P4HA2: variants seen among roughly 807,000 people sequenced by gnomAD.
The protein encoded by P4HA2 is prolyl 4-hydroxylase subunit alpha 2.
A neutral mutation model predicts 76.9 loss-of-function variants in P4HA2; 46 were observed. That is an observed-to-expected ratio of 0.60 (90% CI 0.47 to 0.76). P4HA2 has a LOEUF of 0.76. P4HA2 is among the 30% of genes least tolerant of loss of function. P4HA2 has a pLI of 0.00. For missense variants in P4HA2, 583 were observed against 669.4 expected, an observed-to-expected ratio of 0.87 and a Z score of 1.42; for synonymous variants, 243 against 254.0, an observed-to-expected ratio of 0.96 and a Z score of 0.41.
At position 132,198,394 on chromosome 5, in the gene P4HA2, C is replaced by A. The variant is rs771727821; in HGVS notation, c.1306-14G>T. Reference sequence around the variant, plus strand: ...GTCAAAAGGTCGCTGCAACAGACAACAACTTTCACCCAAGTTTACAACAGG... The same window carrying A: ...GTCAAAAGGTCGCTGCAACAGACAAAAACTTTCACCCAAGTTTACAACAGG... On this transcript the variant is annotated splice_polypyrimidine_tract_variant and intron_variant, in intron 11 of 14. Coordinates refer to ENST00000360568, the MANE Select transcript of P4HA2 (RefSeq NM_001017974.2). The A allele has an allele frequency of 6.2e-7, 1 of 1,612,234 alleles. No homozygotes were observed. The highest frequency in any genetic ancestry group is 8.5e-7 in the Non-Finnish European group (1 of 1,179,650).
Position 132,194,928 on chromosome 5 carries a change from C to A in P4HA2, c.1529G>T (p.Trp510Leu), listed in dbSNP as rs1307010591. Residue 510 changes from tryptophan to leucine, a missense_variant and splice_region_variant, in exon 14 of 15, where the codon TGG (tryptophan) becomes TTG (leucine). Coordinates refer to ENST00000360568, the MANE Select transcript of P4HA2 (RefSeq NM_001017974.2). Reference sequence around the variant, plus strand: ...ACACTACCCCTTAAGACACTCACCCCACTTGCAGCCCACAAGCACAGGGCA... The same window carrying A: ...ACACTACCCCTTAAGACACTCACCCAACTTGCAGCCCACAAGCACAGGGCA... ...AACPVLVGCK[W>L]VSNKWFHERG... 1 of 1,606,788 alleles carries A rather than the reference C, an allele frequency of 6.2e-7. No individual in the cohort carries two copies. The highest frequency in any genetic ancestry group is 1.7e-5 in the Admixed American group (1 of 60,010).
intron 1 of P4HA2, among the ~76,000 whole-genome samples, chr5:132,224,184 C>G (rs541342501): frequency 6.6e-6 from 1 of 152,360 alleles, no homozygotes; most frequent in East Asian, 1.9e-4. Flanking sequence ...CAGGGCAAGG[C>G]AGTACAGTCA....
chr5:132,212,246 T>G (rs1753187030), intron 5 of P4HA2, among the ~76,000 whole-genome samples: 1 of 152,092 alleles, frequency 6.6e-6, no homozygotes, highest in Non-Finnish European at 1.5e-5. Flanking sequence ...GGGTTTAGCT[T>G]TGGAAATTAA....
At chr5:132,198,268 C>G in intron 12 of P4HA2, 53 bp downstream of exon 12, 1 of 1,614,234 alleles carries the variant, frequency 6.2e-7, no homozygotes, top group Non-Finnish European at 8.5e-7. Flanking sequence ...TCTCGCTCAT[C>G]ATTCTACAAA....
intron 10 of P4HA2, chr5:132,200,746 T>C (rs1751379616): frequency 6.6e-6 from 1 of 152,190 alleles, no homozygotes; most frequent in Non-Finnish European, 1.5e-5. Context: ...GAAAATTCAA[T>C]TAGTGCTTGT....
chr5:132,224,037 C>T (rs1755009572), intron 1 of P4HA2, among the ~76,000 whole-genome samples: 1 of 152,232 alleles, frequency 6.6e-6, no homozygotes, highest in African/African-American at 2.4e-5. Flanking sequence ...AGGTCCATGA[C>T]ACGCCTGGCT....
chr5:132,197,608 C>CAAAAAAAAAAAAAAA (rs555319735), intron 12 of P4HA2, among the ~76,000 whole-genome samples: 1 of 55,192 alleles, frequency 1.8e-5, no homozygotes, highest in Non-Finnish European at 3.6e-5. Context: ...ACTCCATCTC[C>CAAAAAAAAAAAAAAA]AAAAAAAAAA....
At chr5:132,194,854 C>G in intron 14 of P4HA2, 72 bp downstream of exon 14, 1 of 1,062,026 alleles carries the variant, frequency 9.4e-7, no homozygotes, top group Non-Finnish European at 1.5e-6. Context: ...CCTCCCAGCT[C>G]AGAATCTAAG....
intron 1 of P4HA2, among the ~76,000 whole-genome samples, chr5:132,219,674 T>TA (rs1399831451): frequency 2.0e-5 from 3 of 152,138 alleles, no homozygotes; most frequent in African/African-American, 7.2e-5. Context: ...GGAAATTCAC[T>TA]AAGACAAAGC....
rs200714254 is a variant in P4HA2 at position 132,217,187 on chromosome 5, C to G, written c.331+10G>C. On this transcript the variant is annotated intron_variant, in intron 4 of 14. Transcript: ENST00000360568. The stretch of plus-strand genomic sequence containing the variant: ...TGGGCTCACTCAAGCACCTGCTCAC[C>G]GTCCCTCACCTGCAGCTGAGTCCTG... 269 of 1,612,870 alleles carry G rather than the reference C, an allele frequency of 1.7e-4. 2 individuals carry two copies. The South Asian group carries it at 2.9e-3, about 17-fold the overall frequency.
chr5:132,195,550 A>G (rs1379704785), intron 12 of P4HA2, 70 bp from the exon 13 acceptor site: 23 of 1,149,458 alleles, frequency 2.0e-5, no homozygotes, highest in Non-Finnish European at 2.8e-5. Context: ...CACAAAGGAC[A>G]TGACAAGGTA....
At position 132,209,160 on chromosome 5, in the gene P4HA2, C is replaced by T. The variant is rs779478817; in HGVS notation, c.881G>A (p.Cys294Tyr). The change falls in exon 7 of 15, where the codon TGT becomes TAT. Residue 294 changes from cysteine to tyrosine, a missense_variant. Physicochemically the swap from Cys to Tyr is radical, Grantham distance 194. Transcript: ENST00000360568. ...CACCAGTTTGACACCCTCCCCACGA[C>T]AGAGGCTCTCGTAAACATCCCTCTC... The part of the protein sequence containing the change: ...LPERDVYESL[C>Y]RGEGVKLTPR... The T allele has an allele frequency of 6.2e-7, 1 of 1,613,682 alleles. No individual in the cohort carries two copies. The highest frequency in any genetic ancestry group is 1.1e-5 in the South Asian group (1 of 91,016).
chr5:132,216,415 A>C (rs1245484256), intron 4 of P4HA2, among the ~76,000 whole-genome samples: 1 of 152,226 alleles, frequency 6.6e-6, no homozygotes, highest in African/African-American at 2.4e-5. Flanking sequence ...TACACCAAGA[A>C]ATATGTAAAA....
In P4HA2 at chr5:132,192,753, C is replaced by T; in HGVS notation, c.*257G>A. ...CTAAAACACCTGAGGTACAAAGGCA[C>T]CTTGCTAGGCGCTAGACAGCTAACT... On this transcript the variant is annotated 3_prime_UTR_variant, in exon 15 of 15. Coordinates refer to ENST00000360568, the MANE Select transcript of P4HA2 (RefSeq NM_001017974.2). 7 of 422,194 alleles carry T rather than the reference C, an allele frequency of 1.7e-5. No individual in the cohort carries two copies. Among genetic ancestry groups the T allele is most frequent in the Non-Finnish European group, 4.2e-6 (1 of 236,100 alleles). 26.2% of individuals were successfully genotyped at this position (422,194 alleles called of 1,614,324 possible).
chr5:132,216,777 A>G (rs1196017900), intron 4 of P4HA2, among the ~76,000 whole-genome samples: 1 of 152,184 alleles, frequency 6.6e-6, no homozygotes, highest in Non-Finnish European at 1.5e-5. Flanking sequence ...GTATGTATGT[A>G]TAGTTCCATT....
chr5:132,220,378 T>C lies in P4HA2; in HGVS notation c.-18-1734A>G, dbSNP rs145681509. ...ATGTAGGGAGGGGACAGTGAAAACA[T>C]AGAGCTGGGAGGATGTATCTGTGAT... On this transcript the variant is annotated intron_variant, in intron 1 of 14. Coordinates refer to ENST00000360568, the MANE Select transcript of P4HA2 (RefSeq NM_001017974.2). Among the ~76,000 whole-genome samples, 311 of 152,266 alleles carry C rather than the reference T, an allele frequency of 2.0e-3. 3 individuals carry two copies. The highest frequency in any genetic ancestry group is 7.1e-3 in the African/African-American group (294 of 41,548).
intron 5 of P4HA2, among the ~76,000 whole-genome samples, chr5:132,213,300 T>C (rs1281222758): frequency 2.6e-5 from 4 of 152,142 alleles, no homozygotes; most frequent in Admixed American, 2.6e-4. Flanking sequence ...AAAGGCCAGA[T>C]ACTGTGAGTT....
At chr5:132,224,417 A>G (rs770830383) in intron 1 of P4HA2, among the ~76,000 whole-genome samples, 1 of 152,248 alleles carries the variant, frequency 6.6e-6, no homozygotes, top group Non-Finnish European at 1.5e-5. Flanking sequence ...AATTTATGTC[A>G]ATCATTAGTA....
Position 132,207,810 on chromosome 5 carries a change from G to A in P4HA2, c.978C>T (p.Pro326=), listed in dbSNP as rs1212034689. 3 of 1,612,540 alleles carry A rather than the reference G, an allele frequency of 1.9e-6. No homozygotes were observed. The highest frequency in any genetic ancestry group is 2.2e-5 in the East Asian group (1 of 44,826). ...TGTCCCACTCGTCCTCCTCTTTGAA[G>A]GGGGCAATGAGCAGCTGTGGGGCCC... The part of the protein sequence containing the change: ...GNRAPQLLIA[P]FKEEDEWDSP... Residue 326 remains proline (P), a synonymous_variant, in exon 8 of 15, where the codon CCC becomes CCT. Coordinates refer to ENST00000360568, the MANE Select transcript of P4HA2 (RefSeq NM_001017974.2).
Sources: allele counts gnomAD v4.1 joint callset (sites outside exome capture counted in the v4.1 genomes callset), GRCh38; gene constraint gnomAD v4.1.1; transcripts MANE v1.5; gene names NCBI Gene and HGNC (gene_info 2026-07-23, HGNC 2026-07-21).